Variants in XYLT1 observed in about 807,000 individuals in gnomAD.
The protein encoded by XYLT1 is beta-D-xylosyltransferase 1.
XYLT1 carries 36 observed loss-of-function variants against 91.3 expected under a neutral mutation model. The observed-to-expected ratio is 0.39, with a 90% CI of 0.30 to 0.52. The LOEUF (loss-of-function observed/expected upper bound fraction) is 0.52, where lower values mean the gene tolerates loss of function less well. Ranked by LOEUF, XYLT1 falls within the 20% of genes least tolerant of loss-of-function variation. The pLI, the probability that XYLT1 is intolerant of heterozygous loss-of-function variation, is 0.68. For missense variants in XYLT1, 1,242 were observed against 1,284.5 expected (o/e 0.97, Z 0.51); for synonymous variants, 588 against 532.0 (o/e 1.11, Z -1.45).
chr16:17,263,994 A>G (rs746611979), intron 2 of XYLT1, among the ~76,000 whole-genome samples: 2 of 151,940 alleles, frequency 1.3e-5, no homozygotes, highest in Non-Finnish European at 2.9e-5. Flanking sequence ...CTATGATAAT[A>G]ACACTTAACA....
rs76652552 is a variant in XYLT1, at chr16:17,122,801, G to A, written c.2224-4822C>T. ...AGGATTCGGTTCCATTCTTCTACAC[G>A]TGGCTTGCCAATTATTTCTGCACCA... On this transcript the variant is annotated intron_variant, in intron 10 of 11. Coordinates refer to ENST00000261381, the MANE Select transcript of XYLT1 (RefSeq NM_022166.4). Among the ~76,000 whole-genome samples, 981 of 152,232 alleles carry A rather than the reference G, an allele frequency of 6.4e-3. 37 individuals are homozygous for A. The East Asian group carries it at 0.074, about 12-fold the overall frequency.
intron 2 of XYLT1, among the ~76,000 whole-genome samples, chr16:17,318,246 T>A (rs1209791372): frequency 6.6e-6 from 1 of 152,228 alleles, no homozygotes; most frequent in Non-Finnish European, 1.5e-5. Context: ...CTGGGTTTAC[T>A]TGATCTCACT....
intron 1 of XYLT1, among the ~76,000 whole-genome samples, chr16:17,378,740 G>A (rs1014129093): frequency 1.1e-4 from 16 of 152,176 alleles, no homozygotes; most frequent in African/African-American, 3.9e-4. Flanking sequence ...TGAGACTGAG[G>A]CAGAAAAGTA....
chr16:17,440,558 C>G (rs2036520793), intron 1 of XYLT1, among the ~76,000 whole-genome samples: 1 of 152,182 alleles, frequency 6.6e-6, no homozygotes, highest in African/African-American at 2.4e-5. Context: ...GACCTGAGTT[C>G]CAGTGCCCCC....
chr16:17,133,340 A>G (rs375102880), intron 9 of XYLT1, among the ~76,000 whole-genome samples: 1 of 152,112 alleles, frequency 6.6e-6, no homozygotes, highest in Non-Finnish European at 1.5e-5. Context: ...CAAGAAAAAG[A>G]AGGAGAGTGA....
intron 1 of XYLT1, among the ~76,000 whole-genome samples, chr16:17,434,048 C>G (rs1375119937): frequency 6.6e-6 from 1 of 152,142 alleles, no homozygotes; most frequent in African/African-American, 2.4e-5. Context: ...TGGGTTTGCC[C>G]TTAATAGAGT....
chr16:17,132,384 T>C (rs547000994), intron 9 of XYLT1, among the ~76,000 whole-genome samples: 5 of 151,844 alleles, frequency 3.3e-5, no homozygotes, highest in Non-Finnish European at 7.4e-5. Context: ...TGAGAAGGGG[T>C]GGCTGTGCAG....
At chr16:17,272,460 C>T (rs1012163735) in intron 2 of XYLT1, among the ~76,000 whole-genome samples, 7 of 152,056 alleles carry the variant, frequency 4.6e-5, no homozygotes, top group East Asian at 1.9e-4. Context: ...CCACTGCGCC[C>T]GGCCATGTCT....
At chr16:17,224,236 C>G (rs995472118) in intron 3 of XYLT1, among the ~76,000 whole-genome samples, 2 of 152,166 alleles carry the variant, frequency 1.3e-5, no homozygotes, top group Admixed American at 6.5e-5. Context: ...ACAAGACGGA[C>G]AGGAGGAAAA....
intron 8 of XYLT1, 188 bp downstream of exon 8, chr16:17,138,167 A>AGAACATCCC (rs1400251882): frequency 1.6e-6 from 1 of 637,114 alleles, no homozygotes; most frequent in African/African-American, 1.8e-5. Flanking sequence ...CAATGTGGTT[A>AGAACATCCC]GAACATCCCT....
At chr16:17,258,503 TATG>T (rs1172008323) in intron 3 of XYLT1, among the ~76,000 whole-genome samples, 4 of 150,902 alleles carry the variant, frequency 2.7e-5, no homozygotes, top group Non-Finnish European at 4.4e-5. Flanking sequence ...ACAGGAAACA[TATG>T]AGGAAGAAAG....
At chr16:17,267,655 C>G (rs188840291) in intron 2 of XYLT1, among the ~76,000 whole-genome samples, 1 of 152,096 alleles carries the variant, frequency 6.6e-6, no homozygotes, top group Non-Finnish European at 1.5e-5. Context: ...ATGATCCGCC[C>G]GCCTCAGCCT....
intron 1 of XYLT1, among the ~76,000 whole-genome samples, chr16:17,361,091 T>C (rs887053990): frequency 2.6e-5 from 4 of 152,230 alleles, no homozygotes; most frequent in African/African-American, 9.6e-5. Flanking sequence ...TGTGTGCTTC[T>C]GCAGCCCTTA....
intron 1 of XYLT1, among the ~76,000 whole-genome samples, chr16:17,438,955 C>G (rs1283641316): frequency 6.6e-6 from 1 of 152,142 alleles, no homozygotes; most frequent in Non-Finnish European, 1.5e-5. Flanking sequence ...AGCTCACTTA[C>G]TAGGTGATCT....
chr16:17,130,293 T>G (rs940719590), intron 9 of XYLT1, among the ~76,000 whole-genome samples: 2 of 152,226 alleles, frequency 1.3e-5, no homozygotes, highest in African/African-American at 4.8e-5. Context: ...TTCAAAACAC[T>G]GATTTGGGAG....
At chr16:17,132,248 C>T (rs1407440363) in intron 9 of XYLT1, among the ~76,000 whole-genome samples, 3 of 152,132 alleles carry the variant, frequency 2.0e-5, no homozygotes, top group Non-Finnish European at 4.4e-5. Flanking sequence ...TGACCTTGAG[C>T]CAAGATACCG....
At chr16:17,395,123 C>T (rs541646640) in intron 1 of XYLT1, among the ~76,000 whole-genome samples, 6 of 152,276 alleles carry the variant, frequency 3.9e-5, no homozygotes, top group South Asian at 2.1e-4. Flanking sequence ...ACATCTTATA[C>T]GGCAGCAGGA....
At chr16:17,158,931 A>G (rs1597158471) in intron 5 of XYLT1, 22 bp from the exon 6 acceptor site, 1 of 1,609,912 alleles carries the variant, frequency 6.2e-7, no homozygotes. Context: ...AACCAAGGGG[A>G]GAGTCAGGCC....
chr16:17,270,600 C>A lies in XYLT1; in HGVS notation c.403-11102G>T, dbSNP rs142113620. Among the ~76,000 whole-genome samples, 31 of 152,288 alleles carry A rather than the reference C, an allele frequency of 2.0e-4. No homozygotes were observed. In the East Asian group the frequency reaches 5.8e-3, roughly 28 times the overall value. On this transcript the variant is annotated intron_variant, in intron 2 of 11. Transcript: ENST00000261381. ...GAAGGAAATGCAAGAGAAAATGGAACGAGAAGAAGAAACAAACATCAGCTA... is the reference window on the plus strand; with the variant it reads ...GAAGGAAATGCAAGAGAAAATGGAAAGAGAAGAAGAAACAAACATCAGCTA...
Sources: allele counts gnomAD v4.1 joint callset (sites outside exome capture counted in the v4.1 genomes callset), GRCh38; gene constraint gnomAD v4.1.1; transcripts MANE v1.5; gene names NCBI Gene and HGNC (gene_info 2026-07-23, HGNC 2026-07-21).